The following ZNF385D variants were observed in gnomAD, a reference collection of about 807,000 sequenced individuals.
ZNF385D encodes the protein zinc finger protein 659.
ZNF385D carries 15 observed loss-of-function variants against 35.8 expected under a neutral mutation model. The ratio of observed to expected loss-of-function variants is 0.42; its 90% CI spans 0.28 to 0.64. The LOEUF is 0.64. Among genes scored for constraint, ZNF385D ranks in the 30% least tolerant of loss-of-function variants. ZNF385D has a pLI of 0.23. For synonymous variants in ZNF385D, 212 were observed against 186.8 expected, an observed-to-expected ratio of 1.13 and a Z score of -1.10; for missense variants, 474 against 494.6, an observed-to-expected ratio of 0.96 and a Z score of 0.39.
chr3:21,425,008 G>T (rs535213931), intron 6 of ZNF385D, among the ~76,000 whole-genome samples: 1 of 152,224 alleles, frequency 6.6e-6, no homozygotes, highest in South Asian at 2.1e-4. Flanking sequence ...TCCTATTGCA[G>T]GTGGCTGCAA....
chr3:22,163,445 T>C (rs188206317), intron 3 of ZNF385D, among the ~76,000 whole-genome samples: 1 of 152,324 alleles, frequency 6.6e-6, no homozygotes, highest in African/African-American at 2.4e-5. Flanking sequence ...ATCATTTTCC[T>C]TAATAAGTGA....
intron 3 of ZNF385D, among the ~76,000 whole-genome samples, chr3:22,038,017 C>G (rs1436599004): frequency 6.6e-6 from 1 of 152,080 alleles, no homozygotes; most frequent in Non-Finnish European, 1.5e-5. Flanking sequence ...GGAAAACTGG[C>G]TAGCCATATG....
At chr3:21,714,052 G>A (rs2068220395) in intron 1 of ZNF385D, among the ~76,000 whole-genome samples, 1 of 151,940 alleles carries the variant, frequency 6.6e-6, no homozygotes, top group Non-Finnish European at 1.5e-5. Flanking sequence ...CACTTTATTG[G>A]TTCTTTGCTC....
chr3:22,083,843 T>TTATCCACAAAGGG (rs1700890608), intron 3 of ZNF385D, among the ~76,000 whole-genome samples: 1 of 152,172 alleles, frequency 6.6e-6, no homozygotes, highest in African/African-American at 2.4e-5. Flanking sequence ...AAAGGTCAGG[T>TTATCCACAAAGGG]TATCCACAAA....
intron 3 of ZNF385D, among the ~76,000 whole-genome samples, chr3:22,141,674 G>C (rs1202596811): frequency 6.6e-6 from 1 of 152,148 alleles, no homozygotes; most frequent in East Asian, 1.9e-4. Flanking sequence ...TGGGGGAGGA[G>C]GAGGAGGAGG....
intron 6 of ZNF385D, among the ~76,000 whole-genome samples, chr3:21,425,271 T>C (rs533239555): frequency 6.6e-6 from 1 of 152,206 alleles, no homozygotes; most frequent in Non-Finnish European, 1.5e-5. Flanking sequence ...GATTCTAGAA[T>C]CTATTACATT....
intron 3 of ZNF385D, among the ~76,000 whole-genome samples, chr3:21,540,942 A>G (rs1318810940): frequency 6.6e-6 from 1 of 152,156 alleles, no homozygotes; most frequent in Non-Finnish European, 1.5e-5. Flanking sequence ...ATATCAAAAC[A>G]CAGATTTGGA....
At chr3:21,812,658 G>A (rs113150708) in intron 3 of ZNF385D, among the ~76,000 whole-genome samples, 23 of 152,330 alleles carry the variant, frequency 1.5e-4, no homozygotes, top group African/African-American at 4.3e-4. Flanking sequence ...AGGGGAGTGC[G>A]CCATTGCTGA....
intron 1 of ZNF385D, among the ~76,000 whole-genome samples, chr3:21,737,629 A>G (rs1005605997): frequency 1.3e-5 from 2 of 152,204 alleles, no homozygotes; most frequent in Non-Finnish European, 2.9e-5. Context: ...TTATACTTTT[A>G]TAATTCTCAA....
At chr3:21,913,074 A>G (rs1458002431) in intron 3 of ZNF385D, among the ~76,000 whole-genome samples, 1 of 152,074 alleles carries the variant, frequency 6.6e-6, no homozygotes, top group Non-Finnish European at 1.5e-5. Flanking sequence ...GTTCTGGAAA[A>G]TTATTCTGAA....
chr3:22,361,068 C>T (rs1173967186), intron 2 of ZNF385D, among the ~76,000 whole-genome samples: 1 of 152,012 alleles, frequency 6.6e-6, no homozygotes, highest in Non-Finnish European at 1.5e-5. Flanking sequence ...CAAAACAAAA[C>T]TAGTTGATGT....
At chr3:21,695,829 T>C (rs1036121153) in intron 1 of ZNF385D, among the ~76,000 whole-genome samples, 1 of 152,006 alleles carries the variant, frequency 6.6e-6, no homozygotes, top group Non-Finnish European at 1.5e-5. Flanking sequence ...GTCATTTTAA[T>C]TGCTGCTACC....
intron 3 of ZNF385D, among the ~76,000 whole-genome samples, chr3:21,968,462 C>T (rs1703036678): frequency 6.6e-6 from 1 of 152,112 alleles, no homozygotes; most frequent in South Asian, 2.1e-4. Flanking sequence ...AGTCATCCCT[C>T]CCCCAGCCCC....
At chr3:21,907,610 C>T (rs1009659116) in intron 3 of ZNF385D, among the ~76,000 whole-genome samples, 7 of 151,954 alleles carry the variant, frequency 4.6e-5, no homozygotes, top group Non-Finnish European at 8.8e-5. Context: ...ATGTGGAATC[C>T]GTTAAAAGGA....
chr3:21,758,930 C>A (rs2070468394), intron 3 of ZNF385D, among the ~76,000 whole-genome samples: 1 of 122,340 alleles, frequency 8.2e-6, no homozygotes, highest in African/African-American at 3.2e-5. Context: ...AGTATGGTGC[C>A]TCACTCATAG....
chr3:21,610,789 A>C (rs1355649570), intron 2 of ZNF385D, among the ~76,000 whole-genome samples: 1 of 151,944 alleles, frequency 6.6e-6, no homozygotes, highest in East Asian at 1.9e-4. Flanking sequence ...AAAAAAAAAA[A>C]ACAATAGTCA....
chr3:22,255,862 T>C (rs942103846), intron 2 of ZNF385D, among the ~76,000 whole-genome samples: 12 of 151,606 alleles, frequency 7.9e-5, no homozygotes, highest in Admixed American at 2.6e-4. Context: ...GTCAAGTTGA[T>C]TGGATTGAAG....
chr3:21,722,770 C>T (rs541967982), intron 1 of ZNF385D, among the ~76,000 whole-genome samples: 1 of 152,188 alleles, frequency 6.6e-6, no homozygotes, highest in Non-Finnish European at 1.5e-5. Flanking sequence ...CTGCTGGCAC[C>T]AAACAAAGGT....
At chr3:21,507,458 CA>C (rs1706862662) in intron 4 of ZNF385D, among the ~76,000 whole-genome samples, 1 of 152,104 alleles carries the variant, frequency 6.6e-6, no homozygotes, top group Admixed American at 6.5e-5. Context: ...TATATATGGA[CA>C]AGCCTACAAA....
Sources: allele counts gnomAD v4.1 joint callset (sites outside exome capture counted in the v4.1 genomes callset), GRCh38; gene constraint gnomAD v4.1.1; transcripts MANE v1.5; gene names NCBI Gene and HGNC (gene_info 2026-07-23, HGNC 2026-07-21).